Variants in ZDHHC14 observed in about 807,000 individuals in gnomAD.
ZDHHC14 encodes zDHHC palmitoyltransferase 14.
In ZDHHC14, 16 loss-of-function variants were observed where a neutral mutation model predicts 47.7. The observed-to-expected ratio is 0.34, with a 90% CI of 0.23 to 0.51. ZDHHC14 has a LOEUF of 0.51. ZDHHC14 is among the 20% of genes least tolerant of loss of function. ZDHHC14 has a pLI of 0.97. For missense variants in ZDHHC14, 515 were observed against 662.5 expected, an observed-to-expected ratio of 0.78 and a Z score of 2.44; for synonymous variants, 293 against 278.9, an observed-to-expected ratio of 1.05 and a Z score of -0.50.
chr6:157,656,976 C>G (rs139281471), intron 8 of ZDHHC14, among the ~76,000 whole-genome samples: 1 of 152,144 alleles, frequency 6.6e-6, no homozygotes, highest in Non-Finnish European at 1.5e-5. Flanking sequence ...GCACTCTCTG[C>G]CATGCATACC....
intron 1 of ZDHHC14, among the ~76,000 whole-genome samples, chr6:157,525,353 A>G (rs1455968229): frequency 6.6e-6 from 1 of 152,018 alleles, no homozygotes; most frequent in Non-Finnish European, 1.5e-5. Flanking sequence ...TTTTGTAGAA[A>G]CAGGGTCTTG....
intron 5 of ZDHHC14, among the ~76,000 whole-genome samples, chr6:157,634,869 G>A (rs1184485003): frequency 6.6e-6 from 1 of 152,234 alleles, no homozygotes; most frequent in African/African-American, 2.4e-5. Context: ...TCAAAGCCTG[G>A]TCATTCCAGC....
chr6:157,639,096 T>C (rs1213671277), intron 5 of ZDHHC14, among the ~76,000 whole-genome samples: 2 of 152,224 alleles, frequency 1.3e-5, no homozygotes, highest in African/African-American at 4.8e-5. Flanking sequence ...TGGTCTGCCC[T>C]GCATCGTGTG....
At chr6:157,552,817 A>C (rs751269143) in intron 2 of ZDHHC14, among the ~76,000 whole-genome samples, 1 of 152,064 alleles carries the variant, frequency 6.6e-6, no homozygotes, top group Non-Finnish European at 1.5e-5. Flanking sequence ...CTTATAATAC[A>C]CATCTGCAAG....
At chr6:157,404,753 A>T (rs1027268377) in intron 1 of ZDHHC14, among the ~76,000 whole-genome samples, 1 of 152,184 alleles carries the variant, frequency 6.6e-6, no homozygotes. Context: ...TTTTAAATAT[A>T]TATTTTTTAA....
At chr6:157,650,367 G>A (rs1048526817) in intron 7 of ZDHHC14, among the ~76,000 whole-genome samples, 1 of 152,086 alleles carries the variant, frequency 6.6e-6, no homozygotes. Context: ...AGTGGGGGGC[G>A]AAGGGAGCTG....
chr6:157,666,028 G>A (rs1778539804), intron 8 of ZDHHC14, among the ~76,000 whole-genome samples: 1 of 152,130 alleles, frequency 6.6e-6, no homozygotes, highest in Non-Finnish European at 1.5e-5. Flanking sequence ...CTTTTATTAT[G>A]AGCTAACATT....
At chr6:157,646,728 A>G (rs1217128041) in intron 6 of ZDHHC14, among the ~76,000 whole-genome samples, 1 of 152,218 alleles carries the variant, frequency 6.6e-6, no homozygotes, top group Non-Finnish European at 1.5e-5. Context: ...CACTTGAATT[A>G]AATGTCTCAG....
At chr6:157,510,754 G>A (rs1484577542) in intron 1 of ZDHHC14, among the ~76,000 whole-genome samples, 4 of 152,228 alleles carry the variant, frequency 2.6e-5, no homozygotes, top group Non-Finnish European at 5.9e-5. Context: ...GGTCCACGTG[G>A]AGCACGCCCC....
intron 2 of ZDHHC14, among the ~76,000 whole-genome samples, chr6:157,574,819 C>G (rs1344227574): frequency 6.6e-6 from 1 of 152,216 alleles, no homozygotes; most frequent in Non-Finnish European, 1.5e-5. Flanking sequence ...TCTTTCTTCC[C>G]TAGCCGATTT....
intron 1 of ZDHHC14, among the ~76,000 whole-genome samples, chr6:157,397,701 T>A (rs1227360930): frequency 1.3e-5 from 2 of 152,174 alleles, no homozygotes; most frequent in Non-Finnish European, 2.9e-5. Flanking sequence ...AGGATGTGGA[T>A]GTTTTTGGGG....
intron 3 of ZDHHC14, among the ~76,000 whole-genome samples, chr6:157,610,332 T>TG (rs1200601784): frequency 6.6e-6 from 1 of 152,108 alleles, no homozygotes; most frequent in Admixed American, 6.5e-5. Context: ...CTCGGGAGGC[T>TG]GAGGCAGGAG....
chr6:157,415,592 A>C (rs938830183), intron 1 of ZDHHC14, among the ~76,000 whole-genome samples: 1 of 152,220 alleles, frequency 6.6e-6, no homozygotes, highest in Non-Finnish European at 1.5e-5. Flanking sequence ...GTTGGTGGCA[A>C]GGCCAGGTAC....
intron 1 of ZDHHC14, among the ~76,000 whole-genome samples, chr6:157,512,899 G>A (rs961586383): frequency 6.6e-6 from 1 of 152,128 alleles, no homozygotes; most frequent in Admixed American, 6.5e-5. Context: ...CCTAACCTCA[G>A]GAAAAGCATG....
intron 1 of ZDHHC14, among the ~76,000 whole-genome samples, chr6:157,540,725 C>T (rs1242428520): frequency 4.6e-4 from 70 of 151,896 alleles, no homozygotes; most frequent in Non-Finnish European, 1.0e-3. Flanking sequence ...CAAACTATGT[C>T]GAATTGTGAA....
intron 3 of ZDHHC14, 84 bp downstream of exon 3, chr6:157,593,230 C>T: frequency 6.8e-7 from 1 of 1,466,474 alleles, no homozygotes; most frequent in Non-Finnish European, 9.2e-7. Context: ...CCACGGAACA[C>T]TCAGTAATGG....
At chr6:157,610,113 G>A (rs1311857714) in intron 3 of ZDHHC14, among the ~76,000 whole-genome samples, 1 of 152,218 alleles carries the variant, frequency 6.6e-6, no homozygotes, top group Non-Finnish European at 1.5e-5. Context: ...TTCACAGACA[G>A]CTGAACTGGG....
At chr6:157,666,450 G>A (rs914629505) in intron 8 of ZDHHC14, among the ~76,000 whole-genome samples, 1 of 152,154 alleles carries the variant, frequency 6.6e-6, no homozygotes, top group Admixed American at 6.5e-5. Context: ...AAATGATAAT[G>A]TTAAATAAAA....
intron 3 of ZDHHC14, among the ~76,000 whole-genome samples, chr6:157,595,165 C>G (rs1233673374): frequency 1.7e-5 from 2 of 115,100 alleles, no homozygotes; most frequent in Non-Finnish European, 3.5e-5. Context: ...TTTCTTGTCT[C>G]TAGGCTAGAT....
Sources: gnomAD v4.1 joint callset for allele counts (sites outside exome capture counted in the v4.1 genomes callset) on GRCh38, gnomAD v4.1.1 for gene constraint, MANE v1.5 for transcripts, NCBI Gene and HGNC (gene_info 2026-07-23, HGNC 2026-07-21) for gene names.